The following CLCN4 variants were observed in gnomAD, a reference collection of about 807,000 sequenced individuals.
CLCN4 encodes Cl-/H+ antiporter 4, also known as H(+)/Cl(-) exchange transporter 4.
CLCN4 carries 1 observed loss-of-function variant against 41.7 expected under a neutral mutation model. The observed-to-expected ratio is 0.02, with a 90% CI of 0.01 to 0.11. The LOEUF (loss-of-function observed/expected upper bound fraction) is 0.11. Among genes scored for constraint, CLCN4 ranks in the 10% least tolerant of loss-of-function variants. The pLI, the probability that CLCN4 is intolerant of heterozygous loss-of-function variation, is 1.00. For synonymous variants in CLCN4, 277 were observed against 285.8 expected, an observed-to-expected ratio of 0.97 and a Z score of 0.31; for missense variants, 287 against 661.0, an observed-to-expected ratio of 0.43 and a Z score of 6.20.
intron 2 of CLCN4, among the ~76,000 whole-genome samples, chrX:10,160,104 C>T (rs1317502174): frequency 9.2e-6 from 1 of 109,037 alleles, no homozygotes; most frequent in Non-Finnish European, 1.9e-5. Context: ...CCCCTCCCAG[C>T]CCCCAGTTGT....
intron 2 of CLCN4, among the ~76,000 whole-genome samples, chrX:10,181,426 A>G (rs1045211248): frequency 1.8e-5 from 2 of 111,877 alleles, no homozygotes; most frequent in Non-Finnish European, 3.8e-5. Flanking sequence ...TGGCTAAAGA[A>G]GATGCCCCAA....
In CLCN4 at chrX:10,213,948, A is replaced by G; in HGVS notation, c.1844A>G (p.Asp615Gly). 2 of 1,212,181 alleles carry G rather than the reference A, an allele frequency of 1.6e-6. No homozygotes were observed. The highest frequency in any genetic ancestry group is 2.2e-6 in the Non-Finnish European group (2 of 895,576). ...CCGCCACTGTCGGTGCTCACCCAGGACAGCATGACTGTCGAGGACGTGGAG... is the reference window on the plus strand; with the variant it reads ...CCGCCACTGTCGGTGCTCACCCAGGGCAGCATGACTGTCGAGGACGTGGAG... ...GEPPLSVLTQ[D>G]SMTVEDVETL... The change falls in exon 11 of 13, where the codon GAC (aspartate) becomes GGC (glycine). Residue 615 changes from aspartate to glycine, a missense_variant. Transcript: ENST00000380833.
In CLCN4 at chrX:10,236,062, A is replaced by G. The variant is rs1925242473; in HGVS notation, c.*2478A>G. 8.9e-6 allele frequency: 1 copy of G among 112,325 alleles called. No individual in the cohort carries two copies. Among genetic ancestry groups the G allele is most frequent in the African/African-American group, 3.2e-5 (1 of 30,874 alleles). 9.3% of individuals were successfully genotyped at this position (112,325 alleles called of 1,213,427 possible). ...CCTCAGAGCCAGCGTGTGCTGGGAA[A>G]GAGTATTAGTCATAGCCTGGCTTTA... On this transcript the variant is annotated 3_prime_UTR_variant, in exon 13 of 13. Transcript: ENST00000380833.
intron 12 of CLCN4, among the ~76,000 whole-genome samples, chrX:10,223,544 G>A (rs189685835): frequency 6.7e-4 from 75 of 112,001 alleles, no homozygotes; most frequent in African/African-American, 1.4e-3. Context: ...GGGCAGGCAC[G>A]TCTCTGGCCA....
In CLCN4 at chrX:10,213,915, G is replaced by A. The variant is rs1422214870; in HGVS notation, c.1811G>A (p.Arg604Gln). 3 of 1,211,212 alleles carry A rather than the reference G, an allele frequency of 2.5e-6. No homozygotes were observed. Among genetic ancestry groups the A allele is most frequent in the Non-Finnish European group, 3.4e-6 (3 of 895,320 alleles). Reference protein sequence around the residue: ...TLATDVMRPRRGEPPLSVLTQ... With the variant: ...TLATDVMRPRQGEPPLSVLTQ... ...GCCACCGACGTCATGCGGCCCCGGC[G>A]GGGAGAGCCGCCACTGTCGGTGCTC... Residue 604 changes from arginine (R) to glutamine (Q), a missense_variant, in exon 11 of 13, where the codon CGG becomes CAG. By Grantham distance (43) the Arg-to-Gln change is conservative. This residue lies in a region of CLCN4 where 71 missense variants were observed against 104.5 expected (regional missense o/e 0.68). Coordinates refer to ENST00000380833, the MANE Select transcript of CLCN4 (RefSeq NM_001830.4).
At chrX:10,183,941 G>T (rs1008081506) in intron 2 of CLCN4, among the ~76,000 whole-genome samples, 1 of 112,244 alleles carries the variant, frequency 8.9e-6, no homozygotes, top group African/African-American at 3.2e-5. Flanking sequence ...CTCGCGGCAG[G>T]TTGTCCCACC....
At position 10,214,711 on chromosome X, in the gene CLCN4, A is replaced by G. The variant is rs181507760; in HGVS notation, c.1975+632A>G. Among the ~76,000 whole-genome samples, 351 of 112,577 alleles carry G rather than the reference A, an allele frequency of 3.1e-3. 3 individuals carry two copies. Among genetic ancestry groups the G allele is most frequent in the African/African-American group, 0.011 (333 of 30,986 alleles). On this transcript the variant is annotated intron_variant, in intron 11 of 12. Transcript: ENST00000380833. ...TTGTGTTTGAATGACAATCAGCTGCACTGAGGGGCAGGCTGTTGAGTTGGG... is the reference window on the plus strand; with the variant it reads ...TTGTGTTTGAATGACAATCAGCTGCGCTGAGGGGCAGGCTGTTGAGTTGGG...
chrX:10,186,838 C>G (rs1050166976), intron 3 of CLCN4, among the ~76,000 whole-genome samples: 4 of 112,050 alleles, frequency 3.6e-5, no homozygotes, highest in Non-Finnish European at 5.6e-5. Context: ...TTTATGACTC[C>G]TTTTGTGCTA....
intron 2 of CLCN4, among the ~76,000 whole-genome samples, chrX:10,169,135 A>G (rs768506713): frequency 2.0e-4 from 22 of 111,517 alleles, no homozygotes; most frequent in Non-Finnish European, 3.8e-4. Context: ...AGGATTATAT[A>G]GTCTAATAGT....
At chrX:10,233,278 T>G (rs1234286197) in intron 12 of CLCN4, among the ~76,000 whole-genome samples, 1 of 110,133 alleles carries the variant, frequency 9.1e-6, no homozygotes, top group Non-Finnish European at 1.9e-5. Context: ...GAAGAGAGAG[T>G]GGGGGGAAAT....
intron 2 of CLCN4, among the ~76,000 whole-genome samples, chrX:10,179,079 T>A (rs1456589206): frequency 3.6e-5 from 4 of 111,407 alleles, no homozygotes; most frequent in Admixed American, 9.5e-5. Context: ...CACTGAAGAG[T>A]GTATTTCTTA....
At chrX:10,172,809 A>G (rs1362498786) in intron 2 of CLCN4, among the ~76,000 whole-genome samples, 2 of 112,175 alleles carry the variant, frequency 1.8e-5, no homozygotes, top group Non-Finnish European at 3.8e-5. Context: ...AATGTTTGCT[A>G]TAGCCTCAAA....
At chrX:10,167,448 C>G in intron 2 of CLCN4, among the ~76,000 whole-genome samples, 1 of 112,476 alleles carries the variant, frequency 8.9e-6, no homozygotes, top group Middle Eastern at 4.6e-3. Flanking sequence ...AGATGGGCCT[C>G]GACCATCCTA....
chrX:10,191,081 G>GT (rs1303157205), intron 4 of CLCN4, among the ~76,000 whole-genome samples: 5 of 111,843 alleles, frequency 4.5e-5, no homozygotes, highest in African/African-American at 1.3e-4. Context: ...CAATTCAGTG[G>GT]TTTTTAATGT....
At chrX:10,196,538 CTTT>C (rs141362799) in intron 5 of CLCN4, among the ~76,000 whole-genome samples, 20 of 80,871 alleles carry the variant, frequency 2.5e-4, no homozygotes, top group Non-Finnish European at 1.6e-4. Context: ...CCCTTCCCCA[CTTT>C]TTTTTTTTTT....
Position 10,185,022 on chromosome X carries a change from G to T in CLCN4, c.-11G>T. 1 of 1,191,704 alleles carries T rather than the reference G, an allele frequency of 8.4e-7. No homozygotes were observed. The highest frequency in any genetic ancestry group is 1.1e-6 in the Non-Finnish European group (1 of 882,416). On this transcript the variant is annotated splice_region_variant and 5_prime_UTR_variant, in exon 3 of 13. Transcript: ENST00000380833. The stretch of plus-strand genomic sequence containing the variant: ...TTTAACGACCGGTTTTCTTGCCCAG[G>T]TGTAATTAGCATGGTCAATGCGGGA...
intron 4 of CLCN4, among the ~76,000 whole-genome samples, chrX:10,191,692 ATTTTTTTTTTTTTT>A (rs760315418): frequency 2.0e-5 from 1 of 49,771 alleles, no homozygotes; most frequent in Non-Finnish European, 3.2e-5. Flanking sequence ...TATCTGGTTA[ATTTTTTTTTTTTTT>A]TTTTTTTTTT....
rs193252755 is a variant in CLCN4, at chrX:10,213,923, C to T, written c.1819C>T (p.Pro607Ser). The T allele has an allele frequency of 2.2e-4, 272 of 1,210,613 alleles. 2 individuals carry two copies. The East Asian group carries it at 7.8e-3, about 35-fold the overall frequency. ...TDVMRPRRGE[P>S]PLSVLTQDSM... ...CGTCATGCGGCCCCGGCGGGGAGAG[C>T]CGCCACTGTCGGTGCTCACCCAGGA... The change falls in exon 11 of 13, where the codon CCG becomes TCG. Residue 607 changes from proline (P) to serine (S), a missense_variant. Physicochemically the swap from Pro to Ser is moderately conservative, Grantham distance 74. Transcript: ENST00000380833.
chrX:10,175,314 G>A (rs1923490216), intron 2 of CLCN4, among the ~76,000 whole-genome samples: 1 of 111,298 alleles, frequency 9.0e-6, no homozygotes, highest in Non-Finnish European at 1.9e-5. Context: ...GTTACAGGTT[G>A]GAGGAGATGG....
Sources: allele counts gnomAD v4.1 joint callset (sites outside exome capture counted in the v4.1 genomes callset), GRCh38; gene constraint gnomAD v4.1.1; regional missense constraint gnomAD v4.1.1; transcripts MANE v1.5; gene names NCBI Gene and HGNC (gene_info 2026-07-23, HGNC 2026-07-21).